Variants in GPBP1 observed in about 807,000 individuals in gnomAD.
GPBP1 encodes GC-rich promoter binding protein 1, also known as vasculin.
A neutral mutation model predicts 56.5 loss-of-function variants in GPBP1; 13 were observed. That is an observed-to-expected ratio of 0.23 (90% confidence interval 0.15 to 0.37). GPBP1 has a LOEUF of 0.37. Ranked by LOEUF, GPBP1 falls within the 10% of genes least tolerant of loss-of-function variation. The pLI is 1.00. For missense variants in GPBP1, 477 were observed against 572.3 expected (o/e 0.83, Z 1.70); for synonymous variants, 204 against 188.9 (o/e 1.08, Z -0.66).
At chr5:57,224,623 G>A (rs1756099027) in intron 3 of GPBP1, among the ~76,000 whole-genome samples, 1 of 152,040 alleles carries the variant, frequency 6.6e-6, no homozygotes, top group South Asian at 2.1e-4. Flanking sequence ...TTTTTTTGTA[G>A]AGATGGGGTC....
At chr5:57,203,384 C>G (rs973038272) in intron 2 of GPBP1, among the ~76,000 whole-genome samples, 4 of 152,076 alleles carry the variant, frequency 2.6e-5, no homozygotes, top group African/African-American at 7.2e-5. Context: ...ACCTATACTC[C>G]TCATACTTTG....
intron 2 of GPBP1, among the ~76,000 whole-genome samples, chr5:57,178,753 G>C (rs570627412): frequency 6.6e-6 from 1 of 152,308 alleles, no homozygotes; most frequent in Non-Finnish European, 1.5e-5. Flanking sequence ...TTTTTCTGGA[G>C]ATTGGAATAA....
chr5:57,207,571 G>T (rs187039174), intron 2 of GPBP1, among the ~76,000 whole-genome samples: 200 of 152,292 alleles, frequency 1.3e-3, no homozygotes, highest in African/African-American at 4.5e-3. Flanking sequence ...ATCCATAGGC[G>T]GCTTGTGTTA....
intron 2 of GPBP1, among the ~76,000 whole-genome samples, chr5:57,193,628 A>C (rs1376411852): frequency 6.6e-6 from 1 of 151,434 alleles, no homozygotes; most frequent in Non-Finnish European, 1.5e-5. Flanking sequence ...AAAAAAAAAA[A>C]AAAAAAAACT....
At chr5:57,212,363 A>G (rs967717999) in intron 2 of GPBP1, among the ~76,000 whole-genome samples, 1 of 152,210 alleles carries the variant, frequency 6.6e-6, no homozygotes, top group Non-Finnish European at 1.5e-5. Flanking sequence ...AAATTTTCAG[A>G]CACCTTAGTT....
At chr5:57,202,134 C>T (rs371570629) in intron 2 of GPBP1, among the ~76,000 whole-genome samples, 7 of 152,096 alleles carry the variant, frequency 4.6e-5, no homozygotes, top group African/African-American at 1.4e-4. Context: ...GCTGGGACTA[C>T]GGGTGCATGC....
chr5:57,174,536 T>TC (rs926680606), intron 1 of GPBP1, among the ~76,000 whole-genome samples: 4 of 151,998 alleles, frequency 2.6e-5, no homozygotes, highest in Non-Finnish European at 4.4e-5. Flanking sequence ...CGGCCTTCCT[T>TC]CCCCCGGCCT....
At chr5:57,224,716 A>C (rs972309930) in intron 3 of GPBP1, among the ~76,000 whole-genome samples, 9 of 152,132 alleles carry the variant, frequency 5.9e-5, no homozygotes, top group African/African-American at 1.9e-4. Flanking sequence ...TACCCAGTTT[A>C]TAGTTTTAAA....
chr5:57,217,648 G>A (rs1352256071), intron 3 of GPBP1, among the ~76,000 whole-genome samples: 5 of 152,132 alleles, frequency 3.3e-5, no homozygotes, highest in Non-Finnish European at 4.4e-5. Flanking sequence ...CTAGATATTT[G>A]CCTCTAAATA....
At chr5:57,232,265 G>A (rs1248095609) in intron 5 of GPBP1, among the ~76,000 whole-genome samples, 1 of 152,128 alleles carries the variant, frequency 6.6e-6, no homozygotes, top group Non-Finnish European at 1.5e-5. Flanking sequence ...TGGGATTATA[G>A]GTGTAAAAAG....
In GPBP1 at chr5:57,224,431, C is replaced by T. The variant is rs538691325; in HGVS notation, c.64-6415C>T. 7.2e-5 allele frequency among the ~76,000 whole-genome samples: 11 copies of T among 151,784 alleles called. No homozygotes were observed. In the South Asian group the frequency reaches 1.3e-3, roughly 17 times the overall value. On this transcript the variant is annotated intron_variant, in intron 3 of 11. Transcript: ENST00000506184. Reference sequence around the variant, plus strand: ...CTAATTTTTGTATTTTTAGTAGAGACGGGGTTTCACCATATTGTTCAGGCT... The same window carrying T: ...CTAATTTTTGTATTTTTAGTAGAGATGGGGTTTCACCATATTGTTCAGGCT...
rs368264954 is a variant in GPBP1 at position 57,261,141 on chromosome 5, G to A, written c.1161-39G>A. 8.7e-6 allele frequency: 11 copies of A among 1,267,542 alleles called. No homozygotes were observed. The African/African-American group carries it at 1.5e-4, about 17-fold the overall frequency. The allele number at this position is 1,267,542 out of a possible 1,614,324, so 78.5% of individuals were successfully genotyped here. A position where few individuals can be genotyped will look rare whatever the true frequency, so the allele number is the denominator to read the frequency against. ...TGTAAATGATACTGTCCTACTCAGG[G>A]TAAGCTTTACATTAAACTTAATTTC... On this transcript the variant is annotated intron_variant, in intron 10 of 11. Coordinates refer to ENST00000506184, the MANE Select transcript of GPBP1 (RefSeq NM_022913.4).
intron 2 of GPBP1, among the ~76,000 whole-genome samples, chr5:57,179,146 C>G (rs1271351074): frequency 5.9e-5 from 9 of 152,198 alleles, no homozygotes; most frequent in Admixed American, 4.6e-4. Context: ...CTATGCCATA[C>G]TTACACTGCC....
At chr5:57,213,471 CTTTT>C (rs138933215) in intron 2 of GPBP1, among the ~76,000 whole-genome samples, 1 of 144,882 alleles carries the variant, frequency 6.9e-6, no homozygotes, top group African/African-American at 2.5e-5. Flanking sequence ...TCATAATTTT[CTTTT>C]TTTTTTTTTA....
At chr5:57,213,331 A>T (rs748551631) in intron 2 of GPBP1, among the ~76,000 whole-genome samples, 20 of 152,260 alleles carry the variant, frequency 1.3e-4, no homozygotes, top group South Asian at 1.0e-3. Flanking sequence ...GATGACAGGC[A>T]TGAGCCACTG....
At chr5:57,240,483 A>C (rs1210855126) in intron 6 of GPBP1, among the ~76,000 whole-genome samples, 1 of 152,208 alleles carries the variant, frequency 6.6e-6, no homozygotes, top group Non-Finnish European at 1.5e-5. Context: ...AATGGTAAAC[A>C]TTTTGAAATA....
chr5:57,251,630 T>A (rs549571029), intron 10 of GPBP1, among the ~76,000 whole-genome samples: 1 of 151,998 alleles, frequency 6.6e-6, no homozygotes. Context: ...TTGACTGTTT[T>A]GGATAATGCT....
chr5:57,246,197 TAAAAAA>T, intron 6 of GPBP1, 97 bp from the exon 7 acceptor site: 1 of 686,590 alleles, frequency 1.5e-6, no homozygotes, highest in East Asian at 3.0e-5. Flanking sequence ...AGCTGTTAGT[TAAAAAA>T]AAAAAAAAAT....
intron 2 of GPBP1, among the ~76,000 whole-genome samples, chr5:57,198,366 A>G (rs2111677585): frequency 1.3e-5 from 2 of 151,496 alleles, no homozygotes; most frequent in East Asian, 3.9e-4. Context: ...TTATTCTTTA[A>G]CTCCTTTGTT....
Sources: allele counts gnomAD v4.1 joint callset (sites outside exome capture counted in the v4.1 genomes callset), GRCh38; gene constraint gnomAD v4.1.1; transcripts MANE v1.5; gene names NCBI Gene and HGNC (gene_info 2026-07-23, HGNC 2026-07-21).